ALDH9A1: variants seen among roughly 807,000 people sequenced by gnomAD.
The protein encoded by ALDH9A1 is aldehyde dehydrogenase 9 family member A1.
Under a neutral mutation model 56.6 loss-of-function variants are expected in ALDH9A1, and 42 were observed. That is an observed-to-expected ratio of 0.74 (90% CI 0.58 to 0.96). The LOEUF is 0.96. Ranked by LOEUF, ALDH9A1 falls within the 40% of genes least tolerant of loss-of-function variation. ALDH9A1 has a pLI of 0.00. For missense variants in ALDH9A1, 661 were observed against 651.5 expected (o/e 1.01, Z -0.16); for synonymous variants, 242 against 236.0 (o/e 1.03, Z -0.23).
In ALDH9A1 at chr1:165,683,059, T is replaced by C. The variant is rs1649602332; in HGVS notation, c.379A>G (p.Ile127Val). 2 of 1,614,014 alleles carry C rather than the reference T, an allele frequency of 1.2e-6. No individual in the cohort carries two copies. The highest frequency in any genetic ancestry group is 1.7e-5 in the Admixed American group (1 of 59,984). Residue 127 changes from isoleucine (I) to valine (V), a missense_variant, in exon 3 of 11, where the codon ATC (isoleucine) becomes GTC (valine). By Grantham distance (29) the Ile-to-Val change is conservative (BLOSUM62 3). Transcript: ENST00000354775. Reference protein sequence around the residue: ...TMECINNGKSIFEARLDIDIS... With the variant: ...TMECINNGKSVFEARLDIDIS... ...TCAATGTCCAAGCGGGCCTCAAAGA[T>C]GGACTTGCCATTGTTGATGCACTCC...
chr1:165,663,215 G>C, intron 10 of ALDH9A1, 71 bp from the exon 11 acceptor site: 2 of 1,224,602 alleles, frequency 1.6e-6, no homozygotes, highest in South Asian at 2.4e-5. Context: ...GATCTTCAAA[G>C]ATGAGCACTG....
chr1:165,678,739 G>C (rs545279484), intron 6 of ALDH9A1, among the ~76,000 whole-genome samples: 139 of 144,962 alleles, frequency 9.6e-4, no homozygotes, highest in African/African-American at 3.3e-3. Context: ...TCACCACTGA[G>C]TAGGATATGA....
chr1:165,667,099 T>C (rs1649032157), intron 9 of ALDH9A1, among the ~76,000 whole-genome samples: 2 of 151,272 alleles, frequency 1.3e-5, no homozygotes, highest in African/African-American at 4.8e-5. Flanking sequence ...ACGAGCTCAA[T>C]TTAAAACTCA....
chr1:165,664,610 T>C (rs1206118845), intron 10 of ALDH9A1, among the ~76,000 whole-genome samples: 1 of 152,228 alleles, frequency 6.6e-6, no homozygotes, highest in Non-Finnish European at 1.5e-5. Context: ...GAGCTATTAC[T>C]TGAAAGACAC....
intron 2 of ALDH9A1, among the ~76,000 whole-genome samples, chr1:165,692,811 A>G (rs1489395262): frequency 1.3e-5 from 2 of 152,030 alleles, no homozygotes; most frequent in Non-Finnish European, 2.9e-5. Flanking sequence ...CTGACTTCAA[A>G]CTATACTACA....
chr1:165,689,865 C>T (rs550425624), intron 2 of ALDH9A1, among the ~76,000 whole-genome samples: 25 of 151,084 alleles, frequency 1.7e-4, no homozygotes, highest in East Asian at 3.9e-4. Flanking sequence ...ACCCAGGAGG[C>T]GGAGGTTGCA....
chr1:165,685,676 T>C (rs527401391), intron 2 of ALDH9A1, among the ~76,000 whole-genome samples: 6 of 152,236 alleles, frequency 3.9e-5, no homozygotes, highest in African/African-American at 9.6e-5. Flanking sequence ...CTGGGTCTTA[T>C]GGTGTGTGAA....
intron 3 of ALDH9A1, 22 bp from the exon 4 acceptor site, chr1:165,682,263 A>C (rs1187314701): frequency 6.2e-7 from 1 of 1,610,904 alleles, no homozygotes; most frequent in African/African-American, 1.3e-5. Context: ...ACAGGAGTAA[A>C]GGAGGATGCA....
At chr1:165,674,315 TA>T (rs56088658) in intron 6 of ALDH9A1, among the ~76,000 whole-genome samples, 28,781 of 58,130 alleles carry the variant, frequency 0.5, 5,734 homozygotes, top group East Asian at 0.71. Flanking sequence ...TTCCTTTCAC[TA>T]AAAAAAAAAA....
At chr1:165,679,421 C>G in intron 6 of ALDH9A1, 21 bp downstream of exon 6, 1 of 1,613,248 alleles carries the variant, frequency 6.2e-7, no homozygotes, top group South Asian at 1.1e-5. Context: ...TTTTACACCT[C>G]TTCCAGGGAC....
In ALDH9A1 at chr1:165,683,022, T is replaced by C. The variant is rs1224358310; in HGVS notation, c.416A>G (p.Gln139Arg). Residue 139 changes from glutamine (Q) to arginine (R), a missense_variant, in exon 3 of 11, where the codon CAG becomes CGG. Transcript: ENST00000354775. ...EARLDIDISW[Q>R]CLEYYAGLAA... ...CAAGCCCGCATAATACTCCAGGCAC[T>C]GCCAGGAAATGTCAATGTCCAAGCG... 1.9e-6 allele frequency: 3 copies of C among 1,614,078 alleles called. No homozygotes were observed.
chr1:165,671,665 G>A, intron 6 of ALDH9A1: 1 of 480,008 alleles, frequency 2.1e-6, no homozygotes, highest in Non-Finnish European at 4.1e-6. Flanking sequence ...GATATTATAA[G>A]ACCAAGTGAG....
intron 6 of ALDH9A1, chr1:165,671,702 T>C (rs927590649): frequency 4.0e-5 from 18 of 448,860 alleles, no homozygotes; most frequent in Non-Finnish European, 6.9e-5. Flanking sequence ...GAAATATGAA[T>C]CATATACAGC....
chr1:165,681,560 A>G (rs1408541854), intron 4 of ALDH9A1, among the ~76,000 whole-genome samples: 1 of 152,226 alleles, frequency 6.6e-6, no homozygotes, highest in Non-Finnish European at 1.5e-5. Context: ...CTAACATTAC[A>G]ATTTTTTCTA....
intron 10 of ALDH9A1, 140 bp from the exon 11 acceptor site, chr1:165,663,284 A>T: frequency 1.4e-6 from 1 of 701,512 alleles, no homozygotes; most frequent in East Asian, 2.7e-5. Context: ...GCCTCAATCC[A>T]CATATTAGCT....
chr1:165,698,377 C>A lies in ALDH9A1; in HGVS notation c.181+1G>T, dbSNP rs145892484. The A allele has an allele frequency of 2.5e-6, 4 of 1,590,486 alleles. No individual in the cohort carries two copies. Among genetic ancestry groups the A allele is most frequent in the Non-Finnish European group, 2.6e-6 (3 of 1,170,576 alleles). ...CAGCCTCCCCGGCTCGTTGCAGTTA[C>A]CGGTTGCTGGCTCGAAAGCTTTCTC... is the stretch of plus-strand genomic sequence containing the variant. On this transcript the variant is annotated splice_donor_variant, in intron 1 of 10. Coordinates refer to ENST00000354775, the MANE Select transcript of ALDH9A1 (RefSeq NM_000696.4). LOFTEE classifies it high-confidence loss of function.
intron 2 of ALDH9A1, among the ~76,000 whole-genome samples, chr1:165,692,199 G>C (rs1213796984): frequency 6.6e-6 from 1 of 152,174 alleles, no homozygotes; most frequent in East Asian, 1.9e-4. Flanking sequence ...ATTCAACATA[G>C]TGTTGGAAGT....
At chr1:165,698,261 C>CA in intron 1 of ALDH9A1, 117 bp downstream of exon 1, 7 of 1,452,734 alleles carry the variant, frequency 4.8e-6, no homozygotes, top group Non-Finnish European at 6.3e-6. Context: ...TTAGACTCTC[C>CA]ACTGTCACTG....
chr1:165,675,265 A>C (rs12742656), intron 6 of ALDH9A1, among the ~76,000 whole-genome samples: 77,372 of 148,038 alleles, frequency 0.52, 20,410 homozygotes, highest in East Asian at 0.85. Context: ...CTCTCTCTCT[A>C]TATATATATA....
Sources: gnomAD v4.1 joint callset for allele counts (sites outside exome capture counted in the v4.1 genomes callset) on GRCh38, gnomAD v4.1.1 for gene constraint, MANE v1.5 for transcripts, NCBI Gene and HGNC (gene_info 2026-07-23, HGNC 2026-07-21) for gene names.